IMMP2L: variants seen among roughly 807,000 people sequenced by gnomAD.
IMMP2L encodes the protein mitochondrial inner membrane protease subunit 2.
A neutral mutation model predicts 19.3 loss-of-function variants in IMMP2L; 18 were observed. That is an observed-to-expected ratio of 0.93 (90% CI 0.64 to 1.38). The LOEUF (loss-of-function observed/expected upper bound fraction) is 1.38. Ranked by LOEUF, IMMP2L falls within the 40% of genes most tolerant of loss-of-function variation. The pLI is 0.00. For missense variants in IMMP2L, 233 were observed against 218.2 expected, an observed-to-expected ratio of 1.07 and a Z score of -0.43; for synonymous variants, 76 against 73.0, an observed-to-expected ratio of 1.04 and a Z score of -0.21.
chr7:111,031,407 T>TGTGTGTGTGTGTGTGTGTAA (rs147571783), intron 3 of IMMP2L, among the ~76,000 whole-genome samples: 3,781 of 147,126 alleles, frequency 0.026, 103 homozygotes, highest in Admixed American at 0.059. Flanking sequence ...TGTGTGTGTG[T>TGTGTGTGTGTGTGTGTGTAA]GAGAGAAAGA....
chr7:110,806,218 G>T (rs1437970286), intron 5 of IMMP2L, among the ~76,000 whole-genome samples: 2 of 151,964 alleles, frequency 1.3e-5, no homozygotes, highest in Non-Finnish European at 2.9e-5. Flanking sequence ...AATGTCAGCG[G>T]AAGTCCAAGA....
intron 5 of IMMP2L, among the ~76,000 whole-genome samples, chr7:110,833,301 T>G (rs1804132254): frequency 6.6e-6 from 1 of 151,608 alleles, no homozygotes; most frequent in African/African-American, 2.4e-5. Context: ...TAGCAGGGTG[T>G]GGTGGTGGGT....
At chr7:111,537,112 A>C (rs1847956881) in intron 1 of IMMP2L, among the ~76,000 whole-genome samples, 1 of 152,218 alleles carries the variant, frequency 6.6e-6, no homozygotes, top group African/African-American at 2.4e-5. Context: ...CTATACCGAA[A>C]GAGTAAAGAC....
At chr7:110,736,261 GC>G (rs371154691) in intron 5 of IMMP2L, among the ~76,000 whole-genome samples, 3 of 152,202 alleles carry the variant, frequency 2.0e-5, no homozygotes, top group African/African-American at 7.2e-5. Context: ...ATCACAGAAA[GC>G]CCCTAGTAAG....
At chr7:110,915,250 C>T (rs915568629) in intron 4 of IMMP2L, among the ~76,000 whole-genome samples, 15 of 152,144 alleles carry the variant, frequency 9.9e-5, no homozygotes, top group African/African-American at 1.4e-4. Context: ...CACGCGCGTG[C>T]GTGCACGCAC....
chr7:111,441,693 C>T (rs1837737762), intron 3 of IMMP2L, among the ~76,000 whole-genome samples: 1 of 144,988 alleles, frequency 6.9e-6, no homozygotes, highest in Non-Finnish European at 1.5e-5. Context: ...TTCCTTGACA[C>T]AGAGCTGGCA....
At chr7:111,124,449 G>T (rs778004295) in intron 3 of IMMP2L, 4 of 1,613,724 alleles carry the variant, frequency 2.5e-6, no homozygotes, top group African/African-American at 1.3e-5. Context: ...CCTTTGTCAA[G>T]ACTGAAAATT....
intron 4 of IMMP2L, among the ~76,000 whole-genome samples, chr7:110,895,785 T>C (rs531331551): frequency 6.6e-6 from 1 of 152,350 alleles, no homozygotes; most frequent in East Asian, 1.9e-4. Context: ...TTTAATGTTA[T>C]TTTAAAAGAT....
At chr7:111,431,021 C>G (rs1041944412) in intron 3 of IMMP2L, among the ~76,000 whole-genome samples, 1 of 151,756 alleles carries the variant, frequency 6.6e-6, no homozygotes, top group Non-Finnish European at 1.5e-5. Flanking sequence ...GCATGAGAAT[C>G]GCTTGAACCT....
At position 110,758,203 on chromosome 7, in the gene IMMP2L, G is replaced by A. The variant is rs1798144257; in HGVS notation, c.409-94482C>T. ...GCCTCTTGGAGTCATTATTAACACT[G>A]AGAAGACTGGTTTCTGTACAGTGAT... On this transcript the variant is annotated intron_variant, in intron 5 of 5. Transcript: ENST00000405709. The surrounding 1 kb of genome is among the most constrained non-coding windows in gnomAD (Gnocchi z 4.6). Among the ~76,000 whole-genome samples the A allele has an allele frequency of 6.6e-6, 1 of 152,032 alleles. No individual in the cohort carries two copies. Among genetic ancestry groups the A allele is most frequent in the South Asian group, 2.1e-4 (1 of 4,828 alleles).
At position 110,727,024 on chromosome 7, in the gene IMMP2L, T is replaced by A. The variant is rs1181928601; in HGVS notation, c.409-63303A>T. On this transcript the variant is annotated intron_variant, in intron 5 of 5. Transcript: ENST00000405709. This position sits in a 1 kb window ranked among gnomAD's most constrained non-coding sequence, Gnocchi z 4.3. ...CTTTATTAGCAAGAATGGAAATGCT[T>A]CCTTAGGCATTAAATAATTGCAGAC... Among the ~76,000 whole-genome samples the A allele has an allele frequency of 6.6e-6, 1 of 152,180 alleles. No homozygotes were observed.
At chr7:110,918,368 T>C (rs1041839343) in intron 4 of IMMP2L, among the ~76,000 whole-genome samples, 1 of 152,114 alleles carries the variant, frequency 6.6e-6, no homozygotes, top group Non-Finnish European at 1.5e-5. Context: ...TCTAAAACTT[T>C]AGCGTCTTTC....
At chr7:111,106,243 C>T (rs1475932915) in intron 3 of IMMP2L, among the ~76,000 whole-genome samples, 3 of 151,912 alleles carry the variant, frequency 2.0e-5, no homozygotes, top group Non-Finnish European at 4.4e-5. Flanking sequence ...GTACCTGGAA[C>T]ACTCAAAGCC....
intron 3 of IMMP2L, among the ~76,000 whole-genome samples, chr7:111,199,998 CTT>C (rs1334080418): frequency 6.6e-6 from 1 of 152,058 alleles, no homozygotes; most frequent in Admixed American, 6.5e-5. Context: ...TAAAACATGA[CTT>C]TATATCCTTC....
At chr7:110,744,433 C>T (rs149784009) in intron 5 of IMMP2L, among the ~76,000 whole-genome samples, 1 of 152,134 alleles carries the variant, frequency 6.6e-6, no homozygotes, top group African/African-American at 2.4e-5. Flanking sequence ...AGGTCCCTGA[C>T]CCCTGTGTAT....
chr7:110,996,012 C>G (rs1290069071), intron 3 of IMMP2L, among the ~76,000 whole-genome samples: 1 of 152,100 alleles, frequency 6.6e-6, no homozygotes, highest in Non-Finnish European at 1.5e-5. Context: ...GCCAAACAGA[C>G]CTGGGTTAAA....
At chr7:111,276,361 G>A (rs910803794) in intron 3 of IMMP2L, among the ~76,000 whole-genome samples, 2 of 151,994 alleles carry the variant, frequency 1.3e-5, no homozygotes, top group African/African-American at 2.4e-5. Context: ...GTATTTTGTT[G>A]AGGATTTTGT....
At chr7:110,888,511 C>T (rs258977) in intron 4 of IMMP2L, among the ~76,000 whole-genome samples, 8,414 of 152,164 alleles carry the variant, frequency 0.055, 317 homozygotes, top group African/African-American at 0.089. Flanking sequence ...GGAAAACCAG[C>T]ATAAAATCAT....
At chr7:111,440,354 A>G (rs80334660) in intron 3 of IMMP2L, among the ~76,000 whole-genome samples, 1 of 151,928 alleles carries the variant, frequency 6.6e-6, no homozygotes, top group South Asian at 2.1e-4. Context: ...TAGAAAGCCA[A>G]AATTATTCCG....
Sources: gnomAD v4.1 joint callset for allele counts (sites outside exome capture counted in the v4.1 genomes callset) on GRCh38, gnomAD v4.1.1 for gene constraint, Gnocchi (gnomAD v3.1) non-coding constraint, MANE v1.5 for transcripts, NCBI Gene and HGNC (gene_info 2026-07-23, HGNC 2026-07-21) for gene names.